Variants in FANCD2 observed in about 807,000 individuals in gnomAD.
The protein encoded by FANCD2 is Fanconi anemia group D2 protein.
FANCD2 carries 131 observed loss-of-function variants against 192.3 expected under a neutral mutation model. The observed-to-expected ratio is 0.68, with a 90% CI of 0.59 to 0.79. The LOEUF (loss-of-function observed/expected upper bound fraction) is 0.79, where lower values mean the gene tolerates loss of function less well. Ranked by LOEUF, FANCD2 falls within the 30% of genes least tolerant of loss-of-function variation. FANCD2 has a pLI of 0.00. For synonymous variants in FANCD2, 524 were observed against 612.5 expected, an observed-to-expected ratio of 0.86 and a Z score of 2.13; for missense variants, 1,508 against 1,701.6, an observed-to-expected ratio of 0.89 and a Z score of 2.00.
intron 26 of FANCD2, among the ~76,000 whole-genome samples, chr3:10,067,879 G>A (rs751563131): frequency 1.3e-4 from 20 of 152,130 alleles, no homozygotes; most frequent in Non-Finnish European, 2.8e-4. Flanking sequence ...TTCAACATAT[G>A]TAAATCAATG....
intron 29 of FANCD2, among the ~76,000 whole-genome samples, chr3:10,077,873 A>T (rs1050851733): frequency 6.7e-6 from 1 of 148,470 alleles, no homozygotes; most frequent in African/African-American, 2.5e-5. Context: ...CTTATTAATT[A>T]AAAAAAAAAA....
At chr3:10,078,918 C>A (rs377224413) in intron 30 of FANCD2, among the ~76,000 whole-genome samples, 2 of 151,052 alleles carry the variant, frequency 1.3e-5, no homozygotes, top group African/African-American at 4.9e-5. Context: ...CAGTGCACTC[C>A]AGTCTGGGTG....
intron 17 of FANCD2, among the ~76,000 whole-genome samples, chr3:10,050,540 G>A (rs532444624): frequency 1.1e-4 from 16 of 148,400 alleles, no homozygotes; most frequent in East Asian, 4.1e-4. Flanking sequence ...GGAGAATGGC[G>A]TGAACCCAGG....
intron 15 of FANCD2, among the ~76,000 whole-genome samples, chr3:10,047,371 G>T (rs570443821): frequency 1.3e-5 from 2 of 152,296 alleles, no homozygotes; most frequent in Non-Finnish European, 2.9e-5. Flanking sequence ...ACCCAGCTTA[G>T]TACTAAATAT....
At position 10,088,466 on chromosome 3, in the gene FANCD2, T is replaced by C; in HGVS notation, c.3484T>C (p.Phe1162Leu). 6.2e-7 allele frequency: 1 copy of C among 1,609,156 alleles called. No individual in the cohort carries two copies. The highest frequency in any genetic ancestry group is 8.5e-7 in the Non-Finnish European group (1 of 1,175,466). ...KEKIASLARQFLCRVWPSGDK... is the reference protein window; with the variant it reads ...KEKIASLARQLLCRVWPSGDK... ...TCTAACAGCTTCCCTTGCCAGACAATTCCTCTGTCGGGTGTGGCCAAGTGG... is the reference window on the plus strand; with the variant it reads ...TCTAACAGCTTCCCTTGCCAGACAACTCCTCTGTCGGGTGTGGCCAAGTGG... Residue 1162 changes from phenylalanine (F) to leucine (L), a missense_variant, in exon 35 of 44, where the codon TTC becomes CTC. By Grantham distance (22) the Phe-to-Leu change is conservative. Coordinates refer to ENST00000675286, the MANE Select transcript of FANCD2 (RefSeq NM_001018115.3).
In FANCD2 at chr3:10,048,049, C is replaced by G. The variant is rs1195276009; in HGVS notation, c.1411C>G (p.Gln471Glu). The G allele has an allele frequency of 1.2e-6, 2 of 1,614,244 alleles. No homozygotes were observed. Among genetic ancestry groups the G allele is most frequent in the Non-Finnish European group, 1.7e-6 (2 of 1,180,042 alleles). ...TAAGTTTTTTGACACGTACTGCCAG[C>G]AGGTATGTTGAAACATTTATTTTGG... ...AFKFFDTYCQ[Q>E]EVVGALVTHI... The change falls in exon 16 of 44, where the codon CAG (glutamine) becomes GAG (glutamate). Residue 471 changes from glutamine to glutamate, a missense_variant and splice_region_variant. By Grantham distance (29) the Gln-to-Glu change is conservative (BLOSUM62 2). Transcript: ENST00000675286.
Position 10,101,255 on chromosome 3 carries a change from C to CT in FANCD2, c.4350dup (p.Asp1451Ter), listed in dbSNP as rs764649105. ...GATAGTGATGAGAGTTATGATGACT[C>CT]TGATTAGACCCCAGATAAATTGTTG... On this transcript the variant is annotated frameshift_variant, in exon 44 of 44. Coordinates refer to ENST00000675286, the MANE Select transcript of FANCD2 (RefSeq NM_001018115.3). LOFTEE classifies it high-confidence loss of function. The CT allele has an allele frequency of 2.5e-6, 4 of 1,609,358 alleles. No individual in the cohort carries two copies. The South Asian group carries it at 4.4e-5, about 18-fold the overall frequency.
chr3:10,056,257 A>T (rs1343375390), intron 18 of FANCD2, among the ~76,000 whole-genome samples: 1 of 152,190 alleles, frequency 6.6e-6, no homozygotes, highest in African/African-American at 2.4e-5. Context: ...CCTTTTGGCC[A>T]TTTGAATAAT....
intron 9 of FANCD2, 134 bp from the exon 10 acceptor site, chr3:10,041,489 C>G: frequency 1.5e-6 from 1 of 677,558 alleles, no homozygotes; most frequent in South Asian, 1.6e-5. Context: ...AAGAAACATA[C>G]TATAAACGGT....
intron 9 of FANCD2, 150 bp from the exon 10 acceptor site, chr3:10,041,473 T>A: frequency 1.6e-6 from 1 of 613,918 alleles, no homozygotes; most frequent in Non-Finnish European, 2.9e-6. Flanking sequence ...GTCAAAACAA[T>A]TTTTAAAGAA....
intron 28 of FANCD2, among the ~76,000 whole-genome samples, chr3:10,074,189 C>T (rs1693410307): frequency 6.6e-6 from 1 of 152,146 alleles, no homozygotes; most frequent in Non-Finnish European, 1.5e-5. Context: ...CGTGATCCAC[C>T]CACGTCAGCC....
At chr3:10,086,191 C>G (rs1559402941) in intron 33 of FANCD2, among the ~76,000 whole-genome samples, 1 of 152,208 alleles carries the variant, frequency 6.6e-6, no homozygotes, top group Non-Finnish European at 1.5e-5. Context: ...CATTGACCAT[C>G]TGTAATCAAC....
intron 26 of FANCD2, among the ~76,000 whole-genome samples, chr3:10,070,818 G>C (rs369962711): frequency 6.8e-6 from 1 of 147,334 alleles, no homozygotes; most frequent in Non-Finnish European, 1.5e-5. Context: ...CCTGTTGATC[G>C]GTGACCTTAC....
intron 18 of FANCD2, among the ~76,000 whole-genome samples, chr3:10,057,598 C>G (rs1015987188): frequency 1.3e-5 from 2 of 152,106 alleles, no homozygotes; most frequent in Admixed American, 1.3e-4. Flanking sequence ...CTCTTAACCT[C>G]ATGATCTGCC....
intron 1 of FANCD2, among the ~76,000 whole-genome samples, chr3:10,028,386 G>A (rs1452388253): frequency 6.6e-6 from 1 of 152,168 alleles, no homozygotes. Context: ...AGAGTGATGG[G>A]TTTTATCCTT....
intron 35 of FANCD2, 72 bp from the exon 36 acceptor site, chr3:10,088,756 A>C: frequency 6.7e-7 from 1 of 1,497,020 alleles, no homozygotes; most frequent in Non-Finnish European, 9.3e-7. Flanking sequence ...CAGATCATAG[A>C]GGAATTAGAG....
intron 12 of FANCD2, 107 bp from the exon 13 acceptor site, chr3:10,043,377 A>G (rs1463590539): frequency 1.1e-6 from 1 of 912,738 alleles, no homozygotes; most frequent in Non-Finnish European, 1.8e-6. Context: ...TAGCCATCTT[A>G]TACATGAGGT....
chr3:10,046,449 CA>C lies in FANCD2; in HGVS notation c.1135-130del, dbSNP rs1559377580. 4 of 1,465,522 alleles carry C rather than the reference CA, an allele frequency of 2.7e-6. No individual in the cohort carries two copies. The South Asian group carries it at 5.0e-5, about 18-fold the overall frequency. The allele number at this position is 1,465,522 out of a possible 1,614,324, so 90.8% of individuals were successfully genotyped here. ...GTTTTGTGAAAAGTGTAGATACTCC[CA>C]GGGGAGTGTGTGGAACAAATGAGCA... On this transcript the variant is annotated intron_variant, in intron 14 of 43. Coordinates refer to ENST00000675286, the MANE Select transcript of FANCD2 (RefSeq NM_001018115.3).
At chr3:10,091,145 A>G (rs1351215961) in intron 37 of FANCD2, among the ~76,000 whole-genome samples, 2 of 148,984 alleles carry the variant, frequency 1.3e-5, no homozygotes, top group African/African-American at 4.9e-5. Flanking sequence ...TAGTGGTGCA[A>G]ACTTGGCTCA....
Sources: allele counts gnomAD v4.1 joint callset (sites outside exome capture counted in the v4.1 genomes callset), GRCh38; gene constraint gnomAD v4.1.1; transcripts MANE v1.5; gene names NCBI Gene and HGNC (gene_info 2026-07-23, HGNC 2026-07-21).